Variants in LIPK observed in about 807,000 individuals in gnomAD.
LIPK encodes the protein lipase member K.
In LIPK, 32 loss-of-function variants were observed where a neutral mutation model predicts 48.6. The ratio of observed to expected loss-of-function variants is 0.66; its 90% CI spans 0.50 to 0.88. The LOEUF is 0.88. Ranked by LOEUF, LIPK falls within the 40% of genes least tolerant of loss-of-function variation. The pLI is 0.00. For synonymous variants in LIPK, 164 were observed against 157.4 expected (o/e 1.04, Z -0.32); for missense variants, 507 against 478.5 (o/e 1.06, Z -0.56).
chr10:88,743,679 C>T (rs1254475748), intron 9 of LIPK, among the ~76,000 whole-genome samples: 1 of 152,088 alleles, frequency 6.6e-6, no homozygotes, highest in African/African-American at 2.4e-5. Flanking sequence ...GATTGGAACA[C>T]TCTGAGCAGA....
chr10:88,726,998 G>A (rs1488869690), intron 3 of LIPK, 86 bp downstream of exon 3: 12 of 783,780 alleles, frequency 1.5e-5, no homozygotes, highest in African/African-American at 5.3e-5. Context: ...TTTTTGTTCT[G>A]AAATTCTTAA....
At chr10:88,740,127 C>A in intron 8 of LIPK, 60 bp downstream of exon 8, 1 of 1,353,162 alleles carries the variant, frequency 7.4e-7, no homozygotes, top group Non-Finnish European at 1.0e-6. Context: ...TCAAGAAGTG[C>A]TCTCAGAGAG....
At chr10:88,737,830 A>C in intron 7 of LIPK, 49 bp downstream of exon 7, 1 of 1,590,278 alleles carries the variant, frequency 6.3e-7, no homozygotes, top group Non-Finnish European at 8.6e-7. Context: ...TGTTGCACAG[A>C]AGTGATGAAA....
chr10:88,730,072 C>T (rs1842433424), intron 3 of LIPK, among the ~76,000 whole-genome samples: 1 of 151,886 alleles, frequency 6.6e-6, no homozygotes, highest in Non-Finnish European at 1.5e-5. Flanking sequence ...TTTTTGCTTT[C>T]TAACAATTCA....
At chr10:88,739,873 A>G (rs558266965) in intron 7 of LIPK, 123 bp from the exon 8 acceptor site, 11 of 562,652 alleles carry the variant, frequency 2.0e-5, no homozygotes, top group African/African-American at 1.5e-4. Flanking sequence ...AAATAAAAAT[A>G]AAAATAAAAA....
At chr10:88,722,567 G>T (rs544815689) in intron 1 of LIPK, among the ~76,000 whole-genome samples, 2 of 152,204 alleles carry the variant, frequency 1.3e-5, no homozygotes, top group Non-Finnish European at 2.9e-5. Context: ...AGGGTTTTCA[G>T]TGTGATGTCT....
At chr10:88,730,715 G>T (rs1042657579) in intron 3 of LIPK, among the ~76,000 whole-genome samples, 8 of 152,156 alleles carry the variant, frequency 5.3e-5, no homozygotes, top group African/African-American at 1.9e-4. Context: ...CATGCGTATC[G>T]AAGGGATTTT....
chr10:88,723,391 A>T (rs1842270880), intron 1 of LIPK, among the ~76,000 whole-genome samples: 1 of 152,156 alleles, frequency 6.6e-6, no homozygotes, highest in Non-Finnish European at 1.5e-5. Flanking sequence ...ATTAATTTAT[A>T]TGTCAATATA....
chr10:88,720,884 T>A (rs1230755514), intron 1 of LIPK, among the ~76,000 whole-genome samples: 8 of 151,912 alleles, frequency 5.3e-5, no homozygotes, highest in Non-Finnish European at 1.0e-4. Flanking sequence ...TTTACAGTGA[T>A]AAATCAATAA....
At chr10:88,750,159 G>C (rs1322227181) in intron 9 of LIPK, among the ~76,000 whole-genome samples, 1 of 152,180 alleles carries the variant, frequency 6.6e-6, no homozygotes, top group African/African-American at 2.4e-5. Context: ...AAAAATAACA[G>C]ATGCTGGTGA....
intron 9 of LIPK, among the ~76,000 whole-genome samples, chr10:88,749,678 A>T: frequency 1.1e-5 from 1 of 94,684 alleles, no homozygotes; most frequent in Non-Finnish European, 2.3e-5. Flanking sequence ...AAACCTAGGA[A>T]ATACCGTTCT....
chr10:88,722,135 T>G (rs930705819), intron 1 of LIPK, among the ~76,000 whole-genome samples: 3 of 152,110 alleles, frequency 2.0e-5, no homozygotes, highest in African/African-American at 7.2e-5. Context: ...CCGTCTCTAC[T>G]AAAACTACAA....
chr10:88,711,467 G>A (rs1051623454), intron 1 of LIPK, among the ~76,000 whole-genome samples: 1 of 151,942 alleles, frequency 6.6e-6, no homozygotes. Flanking sequence ...TAGCTGTTTT[G>A]TTTCTTCTCT....
intron 1 of LIPK, among the ~76,000 whole-genome samples, chr10:88,707,106 T>G (rs185323772): frequency 1.3e-5 from 2 of 152,254 alleles, no homozygotes; most frequent in Non-Finnish European, 1.5e-5. Flanking sequence ...TTTTTGTTTG[T>G]TTTTACAAAA....
chr10:88,737,898 T>A, intron 7 of LIPK, 117 bp downstream of exon 7: 1 of 1,070,372 alleles, frequency 9.3e-7, no homozygotes, highest in Non-Finnish European at 1.4e-6. Context: ...ATTTGGAATG[T>A]AATTAGTACA....
chr10:88,743,942 A>T (rs416301), intron 9 of LIPK, among the ~76,000 whole-genome samples: 33,468 of 152,180 alleles, frequency 0.22, 3,858 homozygotes, highest in East Asian at 0.37. Flanking sequence ...GTTGGCAGGG[A>T]CAGGACTCTT....
intron 9 of LIPK, among the ~76,000 whole-genome samples, chr10:88,750,069 T>C (rs1842838805): frequency 6.6e-6 from 1 of 152,146 alleles, no homozygotes; most frequent in East Asian, 1.9e-4. Context: ...TCAATATCAA[T>C]AATCATTAGA....
At chr10:88,745,781 AT>A (rs1410808721) in intron 9 of LIPK, among the ~76,000 whole-genome samples, 1 of 152,222 alleles carries the variant, frequency 6.6e-6, no homozygotes, top group Admixed American at 6.5e-5. Flanking sequence ...ACATATTGAT[AT>A]TAACCTTGAA....
chr10:88,731,903 A>G (rs1454905420), intron 4 of LIPK, among the ~76,000 whole-genome samples: 2 of 152,154 alleles, frequency 1.3e-5, no homozygotes, highest in Non-Finnish European at 2.9e-5. Context: ...AGCTTGGTAA[A>G]TCTGTTATAG....
Sources: allele counts gnomAD v4.1 joint callset (sites outside exome capture counted in the v4.1 genomes callset), GRCh38; gene constraint gnomAD v4.1.1; transcripts MANE v1.5; gene names NCBI Gene and HGNC (gene_info 2026-07-23, HGNC 2026-07-21).